MSRA: variants seen among roughly 807,000 people sequenced by gnomAD.
MSRA encodes mitochondrial peptide methionine sulfoxide reductase.
Under a neutral mutation model 31.3 loss-of-function variants are expected in MSRA, and 54 were observed. That is an observed-to-expected ratio of 1.73 (90% CI 1.39 to 2.17). The LOEUF (loss-of-function observed/expected upper bound fraction) is 2.17. Among genes scored for constraint, MSRA ranks in the 30% most tolerant of loss-of-function variants. MSRA has a pLI of 0.00. For missense variants in MSRA, 507 were observed against 300.9 expected, an observed-to-expected ratio of 1.69 and a Z score of -5.07; for synonymous variants, 169 against 116.5, an observed-to-expected ratio of 1.45 and a Z score of -2.90.
intron 1 of MSRA, among the ~76,000 whole-genome samples, chr8:10,151,306 A>G (rs1219758491): frequency 6.7e-6 from 1 of 149,484 alleles, no homozygotes; most frequent in Admixed American, 6.7e-5. Context: ...TTCCTGTAGG[A>G]AGCTTAGTCA....
chr8:10,226,360 A>G (rs937266352), intron 2 of MSRA, among the ~76,000 whole-genome samples: 1 of 152,216 alleles, frequency 6.6e-6, no homozygotes, highest in Non-Finnish European at 1.5e-5. Flanking sequence ...CAAGAATGCT[A>G]AGAAGAGGGT....
intron 2 of MSRA, among the ~76,000 whole-genome samples, chr8:10,228,295 C>T (rs1811170457): frequency 6.6e-6 from 1 of 152,152 alleles, no homozygotes; most frequent in South Asian, 2.1e-4. Context: ...TTTGAAGAGG[C>T]CAGGGAGCCG....
At chr8:10,350,285 C>T (rs1292788122) in intron 5 of MSRA, among the ~76,000 whole-genome samples, 2 of 152,250 alleles carry the variant, frequency 1.3e-5, no homozygotes, top group East Asian at 3.8e-4. Flanking sequence ...GAGAAACTTT[C>T]TGTTTTATAC....
At chr8:10,289,128 G>C (rs1417966789) in intron 3 of MSRA, among the ~76,000 whole-genome samples, 3 of 151,958 alleles carry the variant, frequency 2.0e-5, no homozygotes, top group African/African-American at 7.3e-5. Flanking sequence ...CCATTCTCCT[G>C]CCTCAGTCTC....
chr8:10,249,052 G>C (rs1290934506), intron 3 of MSRA, among the ~76,000 whole-genome samples: 2 of 152,246 alleles, frequency 1.3e-5, no homozygotes, highest in East Asian at 3.9e-4. Flanking sequence ...GAACAGCCTG[G>C]GAGAGGGGAG....
chr8:10,337,904 G>T (rs1159926363), intron 5 of MSRA: 28 of 669,634 alleles, frequency 4.2e-5, no homozygotes, highest in South Asian at 4.0e-4. Flanking sequence ...TATGACAGCA[G>T]GGCTTCGTGT....
chr8:10,083,334 A>G (rs1289910161), intron 1 of MSRA, among the ~76,000 whole-genome samples: 2 of 152,236 alleles, frequency 1.3e-5, no homozygotes, highest in Admixed American at 1.3e-4. Flanking sequence ...CCATGGAGGT[A>G]TTAGGTTAAA....
chr8:10,389,666 G>T (rs922034976), intron 5 of MSRA, among the ~76,000 whole-genome samples: 2 of 150,182 alleles, frequency 1.3e-5, no homozygotes, highest in Non-Finnish European at 2.9e-5. Context: ...AGGGAACCCT[G>T]CCATCCTCTC....
intron 5 of MSRA, among the ~76,000 whole-genome samples, chr8:10,421,760 G>A (rs1201123519): frequency 6.6e-6 from 1 of 152,154 alleles, no homozygotes; most frequent in Admixed American, 6.5e-5. Flanking sequence ...GCTGGAGCTG[G>A]AGACCGAGCT....
At chr8:10,267,708 TGAGTCACTTAGTCTCTCCC>T (rs1159029369) in intron 3 of MSRA, among the ~76,000 whole-genome samples, 2 of 152,138 alleles carry the variant, frequency 1.3e-5, no homozygotes, top group Non-Finnish European at 2.9e-5. Context: ...GGATCAGGAA[TGAGTCACTTAGTCTCTCCC>T]GACACCAATT....
intron 4 of MSRA, among the ~76,000 whole-genome samples, chr8:10,312,453 C>G (rs563901039): frequency 2.6e-4 from 40 of 152,270 alleles, no homozygotes; most frequent in East Asian, 1.2e-3. Context: ...AATAAAGACA[C>G]CACTGGCTTC....
intron 1 of MSRA, among the ~76,000 whole-genome samples, chr8:10,185,018 T>A (rs1004950176): frequency 4.6e-5 from 7 of 152,204 alleles, no homozygotes; most frequent in African/African-American, 1.7e-4. Flanking sequence ...TGAGACCCGG[T>A]TCTTAACTGT....
chr8:10,159,940 T>G (rs932225870), intron 1 of MSRA, among the ~76,000 whole-genome samples: 1 of 152,250 alleles, frequency 6.6e-6, no homozygotes, highest in Non-Finnish European at 1.5e-5. Flanking sequence ...AAGAAACGAC[T>G]TATAAAGTTT....
chr8:10,233,715 A>T (rs1435384928), intron 2 of MSRA, among the ~76,000 whole-genome samples: 1 of 152,220 alleles, frequency 6.6e-6, no homozygotes, highest in Non-Finnish European at 1.5e-5. Context: ...GTCAACTGAC[A>T]TGTAAAGGGA....
intron 5 of MSRA, among the ~76,000 whole-genome samples, chr8:10,401,123 G>T (rs906385229): frequency 2.7e-5 from 4 of 150,808 alleles, no homozygotes; most frequent in African/African-American, 9.7e-5. Flanking sequence ...ACAACCCACA[G>T]AGTCACAGAA....
At chr8:10,162,663 C>A (rs1258830158) in intron 1 of MSRA, among the ~76,000 whole-genome samples, 1 of 152,102 alleles carries the variant, frequency 6.6e-6, no homozygotes, top group African/African-American at 2.4e-5. Context: ...TCATTTAGTG[C>A]CCACGATTTC....
chr8:10,157,028 C>A (rs183963641), intron 1 of MSRA, among the ~76,000 whole-genome samples: 67 of 151,886 alleles, frequency 4.4e-4, no homozygotes, highest in Admixed American at 1.2e-3. Context: ...AGGAGACAGG[C>A]TCAGGATGAC....
chr8:10,107,156 A>G (rs950273845), intron 1 of MSRA, among the ~76,000 whole-genome samples: 3 of 152,174 alleles, frequency 2.0e-5, no homozygotes, highest in African/African-American at 4.8e-5. Context: ...GGAGAGGAGA[A>G]AGGATCCTGC....
chr8:10,054,655 G>A lies in MSRA; in HGVS notation c.139G>A (p.Ala47Thr). ...LPGRKEQTPVAAKHHVNGNRT... is the reference protein window; with the variant it reads ...LPGRKEQTPVTAKHHVNGNRT... ...GGGCCGGAAGGAACAGACCCCTGTA[G>A]CGGGTAAGCACTGGCCACACGGAAG... Residue 47 changes from alanine (A) to threonine (T), a missense_variant, in exon 1 of 6, where the codon GCG becomes ACG. Ala to Thr is a moderately conservative substitution (Grantham distance 58). Coordinates refer to ENST00000317173, the MANE Select transcript of MSRA (RefSeq NM_012331.5). The A allele has an allele frequency of 6.4e-7, 1 of 1,562,432 alleles. No homozygotes were observed. The highest frequency in any genetic ancestry group is 1.7e-4 in the Middle Eastern group (1 of 5,928).
Sources: gnomAD v4.1 joint callset for allele counts (sites outside exome capture counted in the v4.1 genomes callset) on GRCh38, gnomAD v4.1.1 for gene constraint, MANE v1.5 for transcripts, NCBI Gene and HGNC (gene_info 2026-07-23, HGNC 2026-07-21) for gene names.